The following SLC25A19 variants were observed in gnomAD, a reference collection of about 807,000 sequenced individuals.
SLC25A19 encodes solute carrier family 25 member 19.
Under a neutral mutation model 27.9 loss-of-function variants are expected in SLC25A19, and 18 were observed. The ratio of observed to expected loss-of-function variants is 0.64; its 90% CI spans 0.45 to 0.96. The LOEUF (loss-of-function observed/expected upper bound fraction) is 0.96, where lower values mean the gene tolerates loss of function less well. SLC25A19 is among the 40% of genes least tolerant of loss of function. The pLI, the probability that SLC25A19 is intolerant of heterozygous loss-of-function variation, is 0.00. For missense variants in SLC25A19, 371 were observed against 418.3 expected, an observed-to-expected ratio of 0.89 and a Z score of 0.99; for synonymous variants, 169 against 167.1, an observed-to-expected ratio of 1.01 and a Z score of -0.09.
chr17:75,288,465 T>C (rs1163405252), intron 2 of SLC25A19, 37 bp downstream of exon 2: 1 of 152,076 alleles, frequency 6.6e-6, no homozygotes, highest in Non-Finnish European at 1.5e-5. Context: ...TTTTTTCCTT[T>C]TTTGTAAAAA....
In SLC25A19 at chr17:75,273,186, C is replaced by A. The variant is rs547940324; in HGVS notation, c.*265G>T. 2.4e-5 allele frequency: 12 copies of A among 494,964 alleles called. No homozygotes were observed. The East Asian group carries it at 4.5e-4, about 19-fold the overall frequency. 30.7% of individuals were successfully genotyped at this position (494,964 alleles called of 1,614,324 possible). ...GCGTCTGTTTCCTTTGGAGTGTGGG[C>A]TGGTCAGAGGAGAAACAGCAACTTC... On this transcript the variant is annotated 3_prime_UTR_variant, in exon 8 of 8. Transcript: ENST00000416858.
chr17:75,276,604 G>C (rs1400110422), intron 7 of SLC25A19, among the ~76,000 whole-genome samples: 1 of 149,706 alleles, frequency 6.7e-6, no homozygotes, highest in Non-Finnish European at 1.5e-5. Flanking sequence ...CTGACCTCAG[G>C]TGATCCACTC....
At chr17:75,278,126 T>G in intron 6 of SLC25A19, 26 bp downstream of exon 6, 2 of 1,611,142 alleles carry the variant, frequency 1.2e-6, no homozygotes, top group Non-Finnish European at 1.7e-6. Flanking sequence ...GTGGGAGGGC[T>G]CCCTCTCGTG....
At chr17:75,282,858 ATAAATAAATAACT>A (rs2078074694) in intron 5 of SLC25A19, among the ~76,000 whole-genome samples, 1 of 151,160 alleles carries the variant, frequency 6.6e-6, no homozygotes, top group Non-Finnish European at 1.5e-5. Flanking sequence ...CTCAAAAAAA[ATAAATAAATAACT>A]AAAAATAAAA....
At chr17:75,283,766 G>A (rs1437543183) in intron 4 of SLC25A19, among the ~76,000 whole-genome samples, 173 bp from the exon 5 acceptor site, 4 of 152,138 alleles carry the variant, frequency 2.6e-5, no homozygotes, top group East Asian at 3.8e-4. Context: ...AACATTCTAC[G>A]CAAAACTCGG....
At chr17:75,277,247 T>C (rs965698753) in intron 7 of SLC25A19, 106 bp downstream of exon 7, 14 of 1,462,700 alleles carry the variant, frequency 9.6e-6, no homozygotes, top group African/African-American at 8.4e-5. Context: ...GAAGGGGCCA[T>C]GGCCAGGGGT....
intron 4 of SLC25A19, among the ~76,000 whole-genome samples, chr17:75,284,633 CTTTTTTT>C (rs1555604197): frequency 8.9e-6 from 1 of 112,292 alleles, no homozygotes; most frequent in South Asian, 3.1e-4. Flanking sequence ...TCAGATCTTT[CTTTTTTT>C]TTTTTTTTTT....
At chr17:75,277,527 C>T (rs1399588581) in intron 6 of SLC25A19, 44 bp from the exon 7 acceptor site, 1 of 1,611,362 alleles carries the variant, frequency 6.2e-7, no homozygotes, top group African/African-American at 1.3e-5. Context: ...GAGAGAAATG[C>T]AGTCTATGGG....
chr17:75,286,141 C>A (rs1011142995), intron 4 of SLC25A19, among the ~76,000 whole-genome samples, 163 bp downstream of exon 4: 3 of 152,222 alleles, frequency 2.0e-5, no homozygotes, highest in Non-Finnish European at 4.4e-5. Flanking sequence ...GCAATGCCTA[C>A]GGTACTGCTG....
intron 7 of SLC25A19, among the ~76,000 whole-genome samples, chr17:75,276,281 A>G (rs1345174564): frequency 6.6e-6 from 1 of 152,212 alleles, no homozygotes; most frequent in East Asian, 1.9e-4. Flanking sequence ...GTTTCAAAAC[A>G]AAAACAAAAA....
intron 7 of SLC25A19, among the ~76,000 whole-genome samples, chr17:75,275,295 G>A (rs976777282): frequency 3.9e-5 from 6 of 151,962 alleles, no homozygotes; most frequent in Non-Finnish European, 8.8e-5. Context: ...AGCTGGCTTG[G>A]TCTTTCTTTC....
Position 75,273,562 on chromosome 17 carries a change from G to T in SLC25A19, c.852C>A (p.Gly284=), listed in dbSNP as rs2077782228. The T allele has an allele frequency of 6.2e-7, 1 of 1,613,954 alleles. No homozygotes were observed. The highest frequency in any genetic ancestry group is 8.5e-7 in the Non-Finnish European group (1 of 1,179,992). ...QKEGALGFFK[G]LSPSLLKAAL... is the part of the protein sequence containing the mutation. Reference sequence around the variant, plus strand: ...CAGCCTTCAGCAAGCTGGGGGACAGGCCCTTGAAGAAGCCCAGGGCGCCTT... The same window carrying T: ...CAGCCTTCAGCAAGCTGGGGGACAGTCCCTTGAAGAAGCCCAGGGCGCCTT... The change falls in exon 8 of 8, where the codon GGC becomes GGA. Residue 284 remains glycine, a synonymous_variant. Coordinates refer to ENST00000416858, the MANE Select transcript of SLC25A19 (RefSeq NM_001126121.2).
At chr17:75,285,061 T>G (rs2145778565) in intron 4 of SLC25A19, among the ~76,000 whole-genome samples, 1 of 151,898 alleles carries the variant, frequency 6.6e-6, no homozygotes, top group Middle Eastern at 3.4e-3. Context: ...GCCTCTGGAA[T>G]AGCTGGGACG....
Position 75,278,117 on chromosome 17 carries a change from T to C in SLC25A19, c.643+35A>G, listed in dbSNP as rs549677393. On this transcript the variant is annotated intron_variant, in intron 6 of 7. Coordinates refer to ENST00000416858, the MANE Select transcript of SLC25A19 (RefSeq NM_001126121.2). ...GAAGGGGGTGTTCTGGTGGCTGGGG[T>C]GGGAGGGCTCCCTCTCGTGTGAGGG... 2.4e-4 allele frequency: 393 copies of C among 1,609,322 alleles called. 5 individuals carry two copies. The South Asian group carries it at 3.9e-3, about 16-fold the overall frequency.
Position 75,283,544 on chromosome 17 carries a change from T to A in SLC25A19, c.338A>T (p.Tyr113Phe). Residue 113 changes from tyrosine to phenylalanine, a missense_variant, in exon 5 of 8, where the codon TAT becomes TTT. Coordinates refer to ENST00000416858, the MANE Select transcript of SLC25A19 (RefSeq NM_001126121.2). ...LTELVHRGSV[Y>F]DAREFSVHFV... ...GTGCACTGAGAATTCCCGGGCGTCA[T>A]ACACGCTGCCTCTGTGGACCAGCTC... The A allele has an allele frequency of 6.2e-7, 1 of 1,613,674 alleles. No homozygotes were observed. Among genetic ancestry groups the A allele is most frequent in the Non-Finnish European group, 8.5e-7 (1 of 1,179,858 alleles).
At chr17:75,287,963 G>A (rs1325277826) in intron 2 of SLC25A19, among the ~76,000 whole-genome samples, 1 of 152,088 alleles carries the variant, frequency 6.6e-6, no homozygotes, top group African/African-American at 2.4e-5. Context: ...GGCCAACATG[G>A]TGAAACCCTG....
At chr17:75,279,782 C>T (rs1430698101) in intron 5 of SLC25A19, among the ~76,000 whole-genome samples, 1 of 152,198 alleles carries the variant, frequency 6.6e-6, no homozygotes, top group Non-Finnish European at 1.5e-5. Context: ...GCTGGGATTA[C>T]AGGCGAGAGC....
Position 75,283,539 on chromosome 17 carries a change from C to T in SLC25A19, c.343G>A (p.Ala115Thr), listed in dbSNP as rs371531040. ...ACAAAGTGCACTGAGAATTCCCGGG[C>T]GTCATACACGCTGCCTCTGTGGACC... ...ELVHRGSVYD[A>T]REFSVHFVCG... Residue 115 changes from alanine (A) to threonine (T), a missense_variant, in exon 5 of 8, where the codon GCC (alanine) becomes ACC (threonine). By Grantham distance (58) the Ala-to-Thr change is moderately conservative. Transcript: ENST00000416858. 6.9e-5 allele frequency: 112 copies of T among 1,613,590 alleles called. 1 individual carries two copies. Among genetic ancestry groups the T allele is most frequent in the Admixed American group, 4.2e-4 (25 of 59,922 alleles).
At chr17:75,277,560 G>A in intron 6 of SLC25A19, 77 bp from the exon 7 acceptor site, 2 of 1,560,748 alleles carry the variant, frequency 1.3e-6, no homozygotes, top group South Asian at 1.1e-5. Flanking sequence ...AGGCGTCAGG[G>A]CTAATCCTCC....
Sources: gnomAD v4.1 joint callset for allele counts (sites outside exome capture counted in the v4.1 genomes callset) on GRCh38, gnomAD v4.1.1 for gene constraint, MANE v1.5 for transcripts, NCBI Gene and HGNC (gene_info 2026-07-23, HGNC 2026-07-21) for gene names.